Variants in DMD observed in about 807,000 individuals in gnomAD.
DMD encodes dystrophin.
Under a neutral mutation model 330.1 loss-of-function variants are expected in DMD, and 63 were observed. The ratio of observed to expected loss-of-function variants is 0.19; its 90% CI spans 0.16 to 0.24. The LOEUF (loss-of-function observed/expected upper bound fraction) is 0.24, where lower values mean the gene tolerates loss of function less well. Ranked by LOEUF, DMD falls within the 10% of genes least tolerant of loss-of-function variation. The pLI is 1.00. For synonymous variants in DMD, 1,223 were observed against 959.8 expected, an observed-to-expected ratio of 1.27 and a Z score of -5.07; for missense variants, 3,344 against 2,684.1, an observed-to-expected ratio of 1.25 and a Z score of -5.43.
At chrX:31,840,382 CAT>C (rs1486762063) in intron 48 of DMD, among the ~76,000 whole-genome samples, 4 of 108,933 alleles carry the variant, frequency 3.7e-5, no homozygotes, top group African/African-American at 6.7e-5. Flanking sequence ...CATGTATATA[CAT>C]ATATGTGTAT....
chrX:32,743,085 G>C (rs1297640302), intron 7 of DMD, among the ~76,000 whole-genome samples: 5 of 111,218 alleles, frequency 4.5e-5, no homozygotes, highest in Non-Finnish European at 1.9e-5. Flanking sequence ...GCATCTCTTT[G>C]CCTACTGGAG....
chrX:33,202,010 C>G (rs2051302798), intron 1 of DMD, among the ~76,000 whole-genome samples: 1 of 112,148 alleles, frequency 8.9e-6, no homozygotes, highest in Admixed American at 9.5e-5. Flanking sequence ...TGGATATTAT[C>G]ATAGACAGCT....
chrX:31,824,214 G>A (rs192047828), intron 49 of DMD, among the ~76,000 whole-genome samples: 1 of 111,697 alleles, frequency 9.0e-6, no homozygotes, highest in African/African-American at 3.3e-5. Context: ...ACATGGGTAT[G>A]TATGTGAAAG....
intron 1 of DMD, among the ~76,000 whole-genome samples, chrX:33,150,809 T>G (rs1193082731): frequency 9.1e-6 from 1 of 110,427 alleles, no homozygotes; most frequent in African/African-American, 3.3e-5. Context: ...CTACTTTTAT[T>G]TTCCTTAGCA....
intron 47 of DMD, among the ~76,000 whole-genome samples, chrX:31,892,067 C>G (rs1178783045): frequency 8.9e-6 from 1 of 111,746 alleles, no homozygotes; most frequent in Non-Finnish European, 1.9e-5. Context: ...GGCCATCCAT[C>G]TGGGACCAGC....
chrX:33,068,077 G>A (rs1398005610), intron 1 of DMD, among the ~76,000 whole-genome samples: 1 of 111,680 alleles, frequency 9.0e-6, no homozygotes, highest in Admixed American at 9.6e-5. Context: ...TTACAATTTC[G>A]AGAAAGAATT....
chrX:32,939,010 G>C (rs746227133), intron 2 of DMD, among the ~76,000 whole-genome samples: 1 of 110,222 alleles, frequency 9.1e-6, no homozygotes, highest in East Asian at 2.8e-4. Flanking sequence ...AGCACAAATA[G>C]AGGTCTAATT....
intron 55 of DMD, among the ~76,000 whole-genome samples, chrX:31,572,909 T>G (rs1403818013): frequency 8.9e-6 from 1 of 111,992 alleles, no homozygotes; most frequent in Non-Finnish European, 1.9e-5. Context: ...CTTTTTTATT[T>G]TATTGTTTTT....
At chrX:32,106,581 C>T (rs1166782382) in intron 44 of DMD, among the ~76,000 whole-genome samples, 1 of 111,497 alleles carries the variant, frequency 9.0e-6, no homozygotes, top group Middle Eastern at 4.2e-3. Context: ...CTTCTGTAGT[C>T]TATGATATAT....
Position 32,490,003 on chromosome X carries a change from C to T in DMD, c.2622+1274G>A, listed in dbSNP as rs1277157220. ...AGCAAACTAACACAAGAACAGAAAA[C>T]CTAATAATGCTACAGGTCCGATATT... On this transcript the variant is annotated intron_variant, in intron 20 of 78. Coordinates refer to ENST00000357033, the MANE Select transcript of DMD (RefSeq NM_004006.3). Among the ~76,000 whole-genome samples the T allele has an allele frequency of 6.3e-5, 7 of 111,988 alleles. No homozygotes were observed. In the South Asian group the frequency reaches 1.9e-3, roughly 30 times the overall value.
intron 63 of DMD, among the ~76,000 whole-genome samples, chrX:31,243,641 C>A (rs189409326): frequency 6.2e-5 from 7 of 112,686 alleles, no homozygotes; most frequent in African/African-American, 1.9e-4. Flanking sequence ...TTTAATTTTC[C>A]TTGTTACAAT....
At chrX:33,174,932 A>C (rs2049567698) in intron 1 of DMD, among the ~76,000 whole-genome samples, 1 of 111,989 alleles carries the variant, frequency 8.9e-6, no homozygotes, top group South Asian at 3.7e-4. Context: ...ATAACGTATG[A>C]GTGTAGATGT....
At chrX:33,252,066 A>G (rs1011676102) in intron 1 of DMD, among the ~76,000 whole-genome samples, 1 of 112,171 alleles carries the variant, frequency 8.9e-6, no homozygotes, top group African/African-American at 3.2e-5. Flanking sequence ...GTAGCCTATA[A>G]AAATGTTTCA....
intron 47 of DMD, among the ~76,000 whole-genome samples, chrX:31,876,066 G>T (rs2093962868): frequency 8.9e-6 from 1 of 112,189 alleles, no homozygotes; most frequent in Non-Finnish European, 1.9e-5. Flanking sequence ...GAAGTAAAAA[G>T]AACATTTGGA....
chrX:32,438,009 CCTT>C (rs2098268028), intron 29 of DMD, among the ~76,000 whole-genome samples: 1 of 111,732 alleles, frequency 8.9e-6, no homozygotes, highest in Non-Finnish European at 1.9e-5. Context: ...GTCAGAGTAA[CCTT>C]CTTGGGATGT....
chrX:31,597,186 T>C (rs1010049452), intron 55 of DMD, among the ~76,000 whole-genome samples: 3 of 111,995 alleles, frequency 2.7e-5, no homozygotes, highest in African/African-American at 9.7e-5. Context: ...GCTTACAATC[T>C]AGTGAAGTAT....
At chrX:32,853,241 C>G (rs1375298031) in intron 2 of DMD, among the ~76,000 whole-genome samples, 1 of 111,723 alleles carries the variant, frequency 9.0e-6, no homozygotes, top group Admixed American at 9.5e-5. Context: ...AGAAGAGGAC[C>G]TTAACTAGCC....
chrX:32,384,104 T>G (rs1603632206), intron 33 of DMD, among the ~76,000 whole-genome samples: 1 of 110,554 alleles, frequency 9.0e-6, no homozygotes, highest in African/African-American at 3.3e-5. Context: ...TACATTCATT[T>G]TATTAATTTA....
intron 34 of DMD, 68 bp from the exon 35 acceptor site, chrX:32,365,267 G>A (rs912617386): frequency 1.8e-5 from 20 of 1,081,351 alleles, no homozygotes; most frequent in South Asian, 9.5e-5. Context: ...CTTATGAAAC[G>A]GCTTTCTGTA....
Sources: allele counts gnomAD v4.1 joint callset (sites outside exome capture counted in the v4.1 genomes callset), GRCh38; gene constraint gnomAD v4.1.1; transcripts MANE v1.5; gene names NCBI Gene and HGNC (gene_info 2026-07-23, HGNC 2026-07-21).